The following TSNAXIP1 variants were observed in gnomAD, a reference collection of about 807,000 sequenced individuals.
The protein encoded by TSNAXIP1 is translin-associated factor X-interacting protein 1.
TSNAXIP1 carries 89 observed loss-of-function variants against 84.8 expected under a neutral mutation model. The ratio of observed to expected loss-of-function variants is 1.05; its 90% CI spans 0.88 to 1.25. The LOEUF (loss-of-function observed/expected upper bound fraction) is 1.25. Ranked by LOEUF, TSNAXIP1 falls within the 50% of genes most tolerant of loss-of-function variation. The probability of loss-of-function intolerance (pLI) is 0.00; values close to 1 mark genes in which losing one functional copy is unlikely to be tolerated. For synonymous variants in TSNAXIP1, 347 were observed against 335.2 expected (o/e 1.04, Z -0.39); for missense variants, 874 against 887.6 (o/e 0.98, Z 0.20).
Position 67,826,001 on chromosome 16 carries a change from C to A in TSNAXIP1, c.1069C>A (p.Arg357=). The A allele has an allele frequency of 6.2e-7, 1 of 1,614,048 alleles. No homozygotes were observed. Among genetic ancestry groups the A allele is most frequent in the Non-Finnish European group, 8.5e-7 (1 of 1,180,030 alleles). Residue 357 remains arginine, a synonymous_variant, in exon 9 of 16, where the codon CGG becomes AGG. Transcript: ENST00000561639. The stretch of plus-strand genomic sequence containing the variant: ...GCTGCACATGAGCACGCTGAAGGAA[C>A]GGGACCAATTCTTCTCTGAGCTGCA... The part of the protein sequence containing the change: ...MQLHMSTLKE[R]DQFFSELQEI...
chr16:67,827,350 T>TC lies in TSNAXIP1; in HGVS notation c.1767dup (p.Asn590GlnfsTer10). ...CCCAGCAGCAGCAATGCAGACTTGC[T>TC]CAACTACCGCTCACTGTTTATGGAG... On this transcript the variant is annotated frameshift_variant, in exon 14 of 16. Coordinates refer to ENST00000561639, the MANE Select transcript of TSNAXIP1 (RefSeq NM_001288990.3). LOFTEE classifies it high-confidence loss of function. 2 of 1,614,168 alleles carry TC rather than the reference T, an allele frequency of 1.2e-6. No homozygotes were observed. Among genetic ancestry groups the TC allele is most frequent in the Non-Finnish European group, 1.7e-6 (2 of 1,180,024 alleles).
In TSNAXIP1 at chr16:67,807,464, T is replaced by G. The variant is rs986326056; in HGVS notation, c.47+268T>G. ...ATGCCAAATGCTTTATATACCACAT[T>G]TTTAAATATTTTATTTTTGAGACAA... On this transcript the variant is annotated intron_variant, in intron 1 of 15. Transcript: ENST00000561639. 2.3e-5 allele frequency: 28 copies of G among 1,220,596 alleles called. No individual in the cohort carries two copies. The East Asian group carries it at 9.9e-4, about 43-fold the overall frequency. The allele number at this position is 1,220,596 out of a possible 1,614,324, so 75.6% of individuals were successfully genotyped here.
intron 1 of TSNAXIP1, among the ~76,000 whole-genome samples, chr16:67,813,260 G>A (rs1284930810): frequency 6.6e-6 from 1 of 151,740 alleles, no homozygotes; most frequent in Admixed American, 6.6e-5. Context: ...GGTGGCAGGG[G>A]CCTGTAGTCC....
chr16:67,812,879 G>A (rs1042746698), intron 1 of TSNAXIP1, among the ~76,000 whole-genome samples: 11 of 152,120 alleles, frequency 7.2e-5, no homozygotes, highest in Non-Finnish European at 1.6e-4. Flanking sequence ...CCAAAGTGCT[G>A]GGATTACAGG....
rs751354819 is a variant in TSNAXIP1, at chr16:67,823,691, C to T, written c.453C>T (p.Ser151=). 8 of 1,613,516 alleles carry T rather than the reference C, an allele frequency of 5.0e-6. No individual in the cohort carries two copies. The highest frequency in any genetic ancestry group is 6.8e-6 in the Non-Finnish European group (8 of 1,179,676). The change falls in exon 5 of 16, where the codon TCC becomes TCT. Residue 151 remains serine (S), a synonymous_variant. Coordinates refer to ENST00000561639, the MANE Select transcript of TSNAXIP1 (RefSeq NM_001288990.3). Reference sequence around the variant, plus strand: ...AAACGTACAAGCCATTACTATCCTCCATCAAGAATGCGTATGAGGGGATGC... The same window carrying T: ...AAACGTACAAGCCATTACTATCCTCTATCAAGAATGCGTATGAGGGGATGC... The part of the protein sequence containing the change: ...DFKTYKPLLS[S]IKNAYEGMLA...
intron 4 of TSNAXIP1, among the ~76,000 whole-genome samples, chr16:67,822,529 T>C (rs1230920695): frequency 1.3e-5 from 2 of 149,586 alleles, no homozygotes; most frequent in African/African-American, 5.0e-5. Context: ...ACCCCAAGCT[T>C]AAGGAACCAG....
At chr16:67,823,853 G>A in intron 5 of TSNAXIP1, 134 bp downstream of exon 5, 4 of 635,572 alleles carry the variant, frequency 6.3e-6, no homozygotes, top group Non-Finnish European at 7.9e-6. Context: ...CCTGTCTCTA[G>A]TAAAAACACA....
intron 4 of TSNAXIP1, among the ~76,000 whole-genome samples, chr16:67,821,742 C>T (rs1792858066): frequency 1.3e-5 from 2 of 152,150 alleles, no homozygotes; most frequent in South Asian, 2.1e-4. Context: ...GTAATCCCAG[C>T]ACTTCGGGAG....
chr16:67,811,468 G>T (rs1441035813), intron 1 of TSNAXIP1, among the ~76,000 whole-genome samples: 1 of 121,436 alleles, frequency 8.2e-6, no homozygotes, highest in East Asian at 2.2e-4. Flanking sequence ...TTGAGACAGA[G>T]TCTCTCTGTG....
In TSNAXIP1 at chr16:67,824,719, G is replaced by A; in HGVS notation, c.618G>A (p.Lys206=). 2 of 1,614,198 alleles carry A rather than the reference G, an allele frequency of 1.2e-6. No individual in the cohort carries two copies. The highest frequency in any genetic ancestry group is 1.7e-6 in the Non-Finnish European group (2 of 1,180,028). Residue 206 remains lysine (K), a synonymous_variant, in exon 6 of 16, where the codon AAG becomes AAA. Coordinates refer to ENST00000561639, the MANE Select transcript of TSNAXIP1 (RefSeq NM_001288990.3). ...KYEISLLKKE[K]MNLLKLIDKK... is the part of the protein sequence containing the mutation. ...AAATCTCCCTGCTCAAGAAAGAGAA[G>A]ATGAACTTGCTAAAACTCATCGACA...
chr16:67,820,308 C>T (rs917475602), intron 2 of TSNAXIP1, among the ~76,000 whole-genome samples: 1 of 152,174 alleles, frequency 6.6e-6, no homozygotes, highest in African/African-American at 2.4e-5. Flanking sequence ...AGACTACCAT[C>T]ATCCCTATTT....
Position 67,826,213 on chromosome 16 carries a change from G to T in TSNAXIP1, c.1206G>T (p.Gln402His), listed in dbSNP as rs752652773. The change falls in exon 10 of 16, where the codon CAG becomes CAT. Residue 402 changes from glutamine to histidine, a missense_variant. By Grantham distance (24) the Gln-to-His change is conservative. Coordinates refer to ENST00000561639, the MANE Select transcript of TSNAXIP1 (RefSeq NM_001288990.3). ...QMLAEGKNSDQLVDVLLEEIG... is the reference protein window; with the variant it reads ...QMLAEGKNSDHLVDVLLEEIG... ...TGGCTGAGGGCAAGAACAGCGACCA[G>T]CTGGTGGACGTGCTCCTGGAAGAGA... 2 of 1,607,074 alleles carry T rather than the reference G, an allele frequency of 1.2e-6. No individual in the cohort carries two copies. The highest frequency in any genetic ancestry group is 1.7e-6 in the Non-Finnish European group (2 of 1,175,700).
At position 67,825,845 on chromosome 16, in the gene TSNAXIP1, A is replaced by T. The variant is rs779147317; in HGVS notation, c.984+9A>T. On this transcript the variant is annotated intron_variant, in intron 8 of 15. Transcript: ENST00000561639. ...AGGATCTTCAGGAGCAGGTGCTGGC[A>T]GGCAGGCAGGGCCAGGAGGGTAGGA... 2.5e-6 allele frequency: 4 copies of T among 1,613,844 alleles called. No homozygotes were observed. The East Asian group carries it at 8.9e-5, about 36-fold the overall frequency.
chr16:67,826,026 A>G lies in TSNAXIP1; in HGVS notation c.1094A>G (p.Gln365Arg). 1 of 1,613,956 alleles carries G rather than the reference A, an allele frequency of 6.2e-7. No individual in the cohort carries two copies. The highest frequency in any genetic ancestry group is 1.1e-5 in the South Asian group (1 of 91,086). ...KERDQFFSEL[Q>R]EIQRTSTPRP... Reference sequence around the variant, plus strand: ...CGGGACCAATTCTTCTCTGAGCTGCAGGAGATCCAGCGCACTTCCACGCCG... The same window carrying G: ...CGGGACCAATTCTTCTCTGAGCTGCGGGAGATCCAGCGCACTTCCACGCCG... The change falls in exon 9 of 16, where the codon CAG becomes CGG. Residue 365 changes from glutamine to arginine, a missense_variant. Coordinates refer to ENST00000561639, the MANE Select transcript of TSNAXIP1 (RefSeq NM_001288990.3).
rs1319881408 is a variant in TSNAXIP1 at position 67,828,049 on chromosome 16, A to G, written c.*56A>G. The G allele has an allele frequency of 1.9e-4, 294 of 1,588,576 alleles. No homozygotes were observed. The highest frequency in any genetic ancestry group is 2.4e-4 in the Non-Finnish European group (279 of 1,168,036). The stretch of plus-strand genomic sequence containing the variant: ...CTGCTAACCCCTAGCTTTTAATATA[A>G]AAGTGTTTGTCTGAATCCATGCCAT... On this transcript the variant is annotated 3_prime_UTR_variant, in exon 16 of 16. Transcript: ENST00000561639.
At chr16:67,808,737 T>C (rs2055735106) in intron 1 of TSNAXIP1, among the ~76,000 whole-genome samples, 1 of 150,280 alleles carries the variant, frequency 6.7e-6, no homozygotes, top group Non-Finnish European at 1.5e-5. Context: ...AGAGTGAGAC[T>C]CCGTCTCAAA....
intron 1 of TSNAXIP1, chr16:67,807,422 TG>T: frequency 6.7e-7 from 1 of 1,486,922 alleles, no homozygotes; most frequent in South Asian, 1.2e-5. Context: ...ACAACCAGCT[TG>T]TATTGAATGT....
chr16:67,818,769 T>C (rs1487505526), intron 2 of TSNAXIP1, among the ~76,000 whole-genome samples: 14 of 150,730 alleles, frequency 9.3e-5, no homozygotes, highest in Admixed American at 8.7e-4. Flanking sequence ...AGTCGTGCCA[T>C]GTCTGCTCAC....
rs2057305084 is a variant in TSNAXIP1, at chr16:67,824,610, T to C, written c.509T>C (p.Leu170Pro). The C allele has an allele frequency of 2.5e-6, 4 of 1,614,086 alleles. No individual in the cohort carries two copies. The highest frequency in any genetic ancestry group is 3.4e-6 in the Non-Finnish European group (4 of 1,179,988). The change falls in exon 6 of 16, where the codon CTG becomes CCG. Residue 170 changes from leucine to proline, a missense_variant. Leu to Pro is a moderately conservative substitution (Grantham distance 98). Transcript: ENST00000561639. The stretch of plus-strand genomic sequence containing the variant: ...CACCAAAGGGAGAAGATTCGGGCTC[T>C]GGAGCCCCTGAAGGCCAAGCTTGTC... ...LAHQREKIRA[L>P]EPLKAKLVTV...
Sources: gnomAD v4.1 joint callset for allele counts (sites outside exome capture counted in the v4.1 genomes callset) on GRCh38, gnomAD v4.1.1 for gene constraint, MANE v1.5 for transcripts, NCBI Gene and HGNC (gene_info 2026-07-23, HGNC 2026-07-21) for gene names.